Variants in CACNB4 observed in about 807,000 individuals in gnomAD.
CACNB4 encodes the protein voltage-dependent L-type calcium channel subunit beta-4.
In CACNB4, 32 loss-of-function variants were observed where a neutral mutation model predicts 71.2. The observed-to-expected ratio is 0.45, with a 90% CI of 0.34 to 0.60. The LOEUF is 0.60. CACNB4 is among the 20% of genes least tolerant of loss of function. The pLI, the probability that CACNB4 is intolerant of heterozygous loss-of-function variation, is 0.01. For synonymous variants in CACNB4, 231 were observed against 236.9 expected (o/e 0.97, Z 0.23); for missense variants, 464 against 647.9 (o/e 0.72, Z 3.08).
At chr2:152,097,231 G>A (rs1245811216) in intron 2 of CACNB4, among the ~76,000 whole-genome samples, 1 of 152,146 alleles carries the variant, frequency 6.6e-6, no homozygotes, top group Non-Finnish European at 1.5e-5. Flanking sequence ...GGAGAGGTCT[G>A]AGTTCAATTT....
chr2:152,092,851 T>G (rs900188432), intron 2 of CACNB4, among the ~76,000 whole-genome samples: 2 of 151,642 alleles, frequency 1.3e-5, no homozygotes, highest in Non-Finnish European at 1.5e-5. Flanking sequence ...ATATATAATG[T>G]TTTTTCCTAT....
At chr2:151,894,711 T>C (rs1261009354) in intron 2 of CACNB4, among the ~76,000 whole-genome samples, 2 of 152,140 alleles carry the variant, frequency 1.3e-5, no homozygotes, top group Admixed American at 1.3e-4. Context: ...TTCAGTAATG[T>C]TGCAGGATAC....
chr2:151,993,254 C>T (rs1453135942), intron 2 of CACNB4, among the ~76,000 whole-genome samples: 29 of 151,746 alleles, frequency 1.9e-4, no homozygotes, highest in Non-Finnish European at 1.3e-4. Context: ...TATCTAGAAA[C>T]ACTCCTTGAG....
intron 2 of CACNB4, among the ~76,000 whole-genome samples, chr2:152,088,170 T>TACACAC (rs61161547): frequency 7.7e-6 from 1 of 130,638 alleles, no homozygotes. Context: ...CACACACACA[T>TACACAC]ACACACACAC....
At chr2:152,006,469 C>T (rs370556539) in intron 2 of CACNB4, among the ~76,000 whole-genome samples, 4 of 146,770 alleles carry the variant, frequency 2.7e-5, no homozygotes, top group African/African-American at 1.0e-4. Context: ...GTGATGCAGT[C>T]TCGGCTCACT....
intron 2 of CACNB4, among the ~76,000 whole-genome samples, chr2:152,036,398 C>T (rs58402146): frequency 0.21 from 31,652 of 152,092 alleles, 4,561 homozygotes; most frequent in East Asian, 0.73. Context: ...TTTCCAGGTT[C>T]AAGCAATGCT....
At chr2:151,923,969 G>A (rs2099859575) in intron 2 of CACNB4, among the ~76,000 whole-genome samples, 2 of 151,802 alleles carry the variant, frequency 1.3e-5, no homozygotes, top group Admixed American at 6.6e-5. Context: ...TCCATTCAGA[G>A]GGACTGGTTT....
At chr2:152,018,266 A>C (rs1323088034) in intron 2 of CACNB4, among the ~76,000 whole-genome samples, 1 of 152,172 alleles carries the variant, frequency 6.6e-6, no homozygotes, top group Non-Finnish European at 1.5e-5. Flanking sequence ...AATGAAAGAA[A>C]GCAGGTAGAA....
intron 2 of CACNB4, among the ~76,000 whole-genome samples, chr2:152,080,266 C>T (rs983879697): frequency 7.9e-5 from 12 of 151,918 alleles, no homozygotes; most frequent in African/African-American, 1.9e-4. Flanking sequence ...GGATTACAGG[C>T]GCACACCACC....
At chr2:151,985,715 T>C (rs1681320983) in intron 2 of CACNB4, among the ~76,000 whole-genome samples, 1 of 151,404 alleles carries the variant, frequency 6.6e-6, no homozygotes. Flanking sequence ...TGTGAGTATA[T>C]ATAATGCTAC....
chr2:152,063,805 T>A (rs1004548035), intron 2 of CACNB4, among the ~76,000 whole-genome samples: 1 of 152,176 alleles, frequency 6.6e-6, no homozygotes, highest in Non-Finnish European at 1.5e-5. Context: ...ACCCATCAGC[T>A]CCGAATGTCT....
At chr2:151,981,912 T>G (rs1244657074) in intron 2 of CACNB4, among the ~76,000 whole-genome samples, 1 of 152,258 alleles carries the variant, frequency 6.6e-6, no homozygotes, top group Non-Finnish European at 1.5e-5. Flanking sequence ...ATACTGAGCT[T>G]AGAGTAGCGA....
intron 2 of CACNB4, among the ~76,000 whole-genome samples, chr2:151,914,879 G>C (rs1195355892): frequency 6.6e-6 from 1 of 152,174 alleles, no homozygotes; most frequent in Non-Finnish European, 1.5e-5. Flanking sequence ...CTGACCTCAA[G>C]AGGCACCAAC....
chr2:151,896,540 T>C (rs2099852114), intron 2 of CACNB4, among the ~76,000 whole-genome samples: 1 of 152,184 alleles, frequency 6.6e-6, no homozygotes, highest in Admixed American at 6.5e-5. Context: ...GCCTTGATGG[T>C]AACCACACGA....
chr2:152,020,472 G>A (rs992474887), intron 2 of CACNB4, among the ~76,000 whole-genome samples: 8 of 152,208 alleles, frequency 5.3e-5, no homozygotes, highest in African/African-American at 1.2e-4. Context: ...TGAATTGGAC[G>A]TGAGGAAATA....
intron 10 of CACNB4, chr2:151,858,009 G>A (rs2151368730): frequency 6.6e-6 from 1 of 152,278 alleles, no homozygotes; most frequent in Admixed American, 6.5e-5. Flanking sequence ...TGGATAATAT[G>A]TATACAGAAT....
At chr2:151,991,458 G>A (rs1046086476) in intron 2 of CACNB4, among the ~76,000 whole-genome samples, 9 of 152,158 alleles carry the variant, frequency 5.9e-5, no homozygotes, top group African/African-American at 1.4e-4. Flanking sequence ...ATGGAGCACT[G>A]AGCCAGATGA....
At chr2:151,971,837 G>T in intron 2 of CACNB4, 1 of 516,198 alleles carries the variant, frequency 1.9e-6, no homozygotes, top group Non-Finnish European at 3.5e-6. Flanking sequence ...CTCAACTGAG[G>T]ATTGGCCAGA....
intron 2 of CACNB4, among the ~76,000 whole-genome samples, chr2:151,909,588 G>A (rs1202680134): frequency 6.6e-6 from 1 of 151,758 alleles, no homozygotes; most frequent in Non-Finnish European, 1.5e-5. Flanking sequence ...ACCCCCAGCA[G>A]GCCCTGTGTG....
Sources: allele counts gnomAD v4.1 joint callset (sites outside exome capture counted in the v4.1 genomes callset), GRCh38; gene constraint gnomAD v4.1.1; transcripts MANE v1.5; gene names NCBI Gene and HGNC (gene_info 2026-07-23, HGNC 2026-07-21).